Variants in ANKRD33B observed in about 807,000 individuals in gnomAD.
ANKRD33B encodes ankyrin repeat domain-containing protein 33B.
In ANKRD33B, 6 loss-of-function variants were observed where a neutral mutation model predicts 21.5. The ratio of observed to expected loss-of-function variants is 0.28; its 90% CI spans 0.15 to 0.55. The LOEUF is 0.55. ANKRD33B is among the 20% of genes least tolerant of loss of function. The pLI, the probability that ANKRD33B is intolerant of heterozygous loss-of-function variation, is 0.94. For missense variants in ANKRD33B, 698 were observed against 747.2 expected (o/e 0.93, Z 0.77); for synonymous variants, 347 against 342.4 (o/e 1.01, Z -0.15).
At chr5:10,641,132 C>A (rs973003776) in intron 3 of ANKRD33B, among the ~76,000 whole-genome samples, 4 of 151,974 alleles carry the variant, frequency 2.6e-5, no homozygotes, top group Admixed American at 1.3e-4. Context: ...ATCAGTGCTT[C>A]CATTAATGTC....
intron 3 of ANKRD33B, among the ~76,000 whole-genome samples, chr5:10,638,441 C>T (rs531753260): frequency 1.3e-5 from 2 of 150,028 alleles, no homozygotes; most frequent in South Asian, 2.1e-4. Context: ...CCTGCCCACC[C>T]GTTCTACACC....
At chr5:10,632,066 C>T (rs974613961) in intron 2 of ANKRD33B, among the ~76,000 whole-genome samples, 7 of 152,010 alleles carry the variant, frequency 4.6e-5, no homozygotes, top group African/African-American at 1.7e-4. Flanking sequence ...TCCATCCTGT[C>T]ATAGCCAGGA....
chr5:10,650,228 A>C lies in ANKRD33B; in HGVS notation c.*115A>C. 1 of 1,150,944 alleles carries C rather than the reference A, an allele frequency of 8.7e-7. No homozygotes were observed. The highest frequency in any genetic ancestry group is 1.1e-6 in the Non-Finnish European group (1 of 875,420). 71.3% of individuals were successfully genotyped at this position (1,150,944 alleles called of 1,614,324 possible). On this transcript the variant is annotated 3_prime_UTR_variant, in exon 4 of 4. Coordinates refer to ENST00000296657, the MANE Select transcript of ANKRD33B (RefSeq NM_001164440.2). The stretch of plus-strand genomic sequence containing the variant: ...TCGCACCACTTCCGCTCCATGGACC[A>C]CGGGGCTGCGCGCATTTCCAGGCTG...
In ANKRD33B at chr5:10,568,684, G is replaced by A. The variant is rs190731506; in HGVS notation, c.366+3851G>A. Among the ~76,000 whole-genome samples, 115 of 152,322 alleles carry A rather than the reference G, an allele frequency of 7.5e-4. 1 individual carries two copies. Among genetic ancestry groups the A allele is most frequent in the African/African-American group, 2.5e-3 (103 of 41,572 alleles). On this transcript the variant is annotated intron_variant, in intron 1 of 3. Transcript: ENST00000296657. ...CACATACCTGGGATTACAGGCGTGCGCCACCACGCCCGGCTAATTTTTGTA... is the reference window on the plus strand; with the variant it reads ...CACATACCTGGGATTACAGGCGTGCACCACCACGCCCGGCTAATTTTTGTA...
At chr5:10,638,817 G>A (rs1736938495) in intron 3 of ANKRD33B, among the ~76,000 whole-genome samples, 1 of 152,222 alleles carries the variant, frequency 6.6e-6, no homozygotes, top group South Asian at 2.1e-4. Flanking sequence ...GCAGGGTAAT[G>A]TTAGGAGGTG....
Position 10,564,846 on chromosome 5 carries a change from C to A in ANKRD33B, c.366+13C>A, listed in dbSNP as rs1352160881. The A allele has an allele frequency of 2.7e-6, 4 of 1,486,000 alleles. No individual in the cohort carries two copies. The highest frequency in any genetic ancestry group is 1.3e-5 in the South Asian group (1 of 76,954). 92.1% of individuals were successfully genotyped at this position (1,486,000 alleles called of 1,614,324 possible). On this transcript the variant is annotated intron_variant, in intron 1 of 3. Transcript: ENST00000296657. ...CCGCAACGGCAGGGTAAGCGGGCGTCCCCGCAGGATTTGAGCCCCCTCACT... is the reference window on the plus strand; with the variant it reads ...CCGCAACGGCAGGGTAAGCGGGCGTACCCGCAGGATTTGAGCCCCCTCACT...
In ANKRD33B at chr5:10,653,274, G is replaced by C. The variant is rs1281577012; in HGVS notation, c.*3161G>C. On this transcript the variant is annotated 3_prime_UTR_variant, in exon 4 of 4. Transcript: ENST00000296657. Reference sequence around the variant, plus strand: ...ATTTTTGCCATGTGGAAGCAGATTTGCTAGTAGAGGAATTTTCCAAGTCAA... The same window carrying C: ...ATTTTTGCCATGTGGAAGCAGATTTCCTAGTAGAGGAATTTTCCAAGTCAA... The C allele has an allele frequency of 6.6e-6, 1 of 152,428 alleles. No individual in the cohort carries two copies. Among genetic ancestry groups the C allele is most frequent in the East Asian group, 1.9e-4 (1 of 5,326 alleles). The allele number at this position is 152,428 out of a possible 1,614,324, so 9.4% of individuals were successfully genotyped here. A position where few individuals can be genotyped will look rare whatever the true frequency, so the allele number is the denominator to read the frequency against.
At chr5:10,573,204 C>A (rs1447004263) in intron 1 of ANKRD33B, among the ~76,000 whole-genome samples, 1 of 152,180 alleles carries the variant, frequency 6.6e-6, no homozygotes, top group African/African-American at 2.4e-5. Flanking sequence ...CGCGGTGGCT[C>A]ACACCTGTAA....
In ANKRD33B at chr5:10,564,660, G is replaced by A. The variant is rs879821525; in HGVS notation, c.193G>A (p.Glu65Lys). The change falls in exon 1 of 4, where the codon GAG becomes AAG. Residue 65 changes from glutamate to lysine, a missense_variant. By Grantham distance (56) the Glu-to-Lys change is moderately conservative. Transcript: ENST00000296657. ...CTCTTTCTACCCTTTCGAGGACGAG[G>A]AGGAGCACGGCGTCGAGAGCGCGGA... ...DDSFYPFEDE[E>K]EHGVESAESV... The A allele has an allele frequency of 1.1e-5, 17 of 1,534,838 alleles. No individual in the cohort carries two copies. The highest frequency in any genetic ancestry group is 7.0e-6 in the Non-Finnish European group (8 of 1,146,564).
chr5:10,608,078 G>GGGGCTCAC (rs773827862), intron 1 of ANKRD33B, among the ~76,000 whole-genome samples: 46 of 152,010 alleles, frequency 3.0e-4, no homozygotes, highest in Non-Finnish European at 6.0e-4. Flanking sequence ...GCTGAGTACG[G>GGGGCTCAC]GGGCTCACGC....
In ANKRD33B at chr5:10,619,922, C is replaced by T. The variant is rs529209765; in HGVS notation, c.496+1460C>T. ...AGAACACTCTATCTAGCCTGAAGTTCATGATAAGGTCTTGCAAGAAGGGGA... is the reference window on the plus strand; with the variant it reads ...AGAACACTCTATCTAGCCTGAAGTTTATGATAAGGTCTTGCAAGAAGGGGA... On this transcript the variant is annotated intron_variant, in intron 2 of 3. Coordinates refer to ENST00000296657, the MANE Select transcript of ANKRD33B (RefSeq NM_001164440.2). This position sits in a 1 kb window ranked among gnomAD's most constrained non-coding sequence, Gnocchi z 4.5. Among the ~76,000 whole-genome samples the T allele has an allele frequency of 6.6e-6, 1 of 152,208 alleles. No homozygotes were observed. Among genetic ancestry groups the T allele is most frequent in the South Asian group, 2.1e-4 (1 of 4,822 alleles).
intron 1 of ANKRD33B, among the ~76,000 whole-genome samples, chr5:10,570,921 T>TTTTTTTTTTTTTTTA (rs1553990142): frequency 1.5e-5 from 2 of 135,734 alleles, no homozygotes; most frequent in Non-Finnish European, 3.2e-5. Flanking sequence ...TTTTTTTTTT[T>TTTTTTTTTTTTTTTA]GTCAATTAGG....
intron 1 of ANKRD33B, among the ~76,000 whole-genome samples, chr5:10,590,041 C>T (rs1430075803): frequency 1.3e-5 from 2 of 150,910 alleles, no homozygotes; most frequent in Non-Finnish European, 2.9e-5. Context: ...TATTTAATTG[C>T]TTTTTACATT....
chr5:10,641,488 C>T (rs951608937), intron 3 of ANKRD33B, among the ~76,000 whole-genome samples: 2 of 151,968 alleles, frequency 1.3e-5, no homozygotes, highest in African/African-American at 4.8e-5. Flanking sequence ...CTTAGCCTCC[C>T]AAAGTTCTGG....
chr5:10,639,061 C>T (rs1410945910), intron 3 of ANKRD33B, among the ~76,000 whole-genome samples: 3 of 38,430 alleles, frequency 7.8e-5, no homozygotes, highest in Non-Finnish European at 1.1e-4. Flanking sequence ...AGTTGCGCGG[C>T]GATGTTAGCG....
At chr5:10,579,901 G>A (rs747621387) in intron 1 of ANKRD33B, among the ~76,000 whole-genome samples, 49 of 152,118 alleles carry the variant, frequency 3.2e-4, no homozygotes, top group Middle Eastern at 3.2e-3. Context: ...TCACAGATTT[G>A]TACAATTATC....
chr5:10,580,586 T>C (rs1338128432), intron 1 of ANKRD33B, among the ~76,000 whole-genome samples: 1 of 152,188 alleles, frequency 6.6e-6, no homozygotes, highest in African/African-American at 2.4e-5. Context: ...TTTCTCTGGA[T>C]CTTGTCTGTT....
chr5:10,588,817 A>G (rs2126558769), intron 1 of ANKRD33B, among the ~76,000 whole-genome samples: 1 of 152,336 alleles, frequency 6.6e-6, no homozygotes, highest in African/African-American at 2.4e-5. Context: ...GTCGTATGCC[A>G]TTGGGATGTG....
At chr5:10,629,255 G>A (rs1296980351) in intron 2 of ANKRD33B, among the ~76,000 whole-genome samples, 1 of 152,210 alleles carries the variant, frequency 6.6e-6, no homozygotes, top group East Asian at 1.9e-4. Context: ...GGTAGCCCAG[G>A]TCAGGGATGG....
Sources: gnomAD v4.1 joint callset for allele counts (sites outside exome capture counted in the v4.1 genomes callset) on GRCh38, gnomAD v4.1.1 for gene constraint, Gnocchi (gnomAD v3.1) non-coding constraint, MANE v1.5 for transcripts, NCBI Gene and HGNC (gene_info 2026-07-23, HGNC 2026-07-21) for gene names.